Variants in CPSF1 observed in about 807,000 individuals in gnomAD.
CPSF1 encodes cleavage and polyadenylation specific factor 1, also known as cleavage and polyadenylation specificity factor subunit 1.
CPSF1 carries 106 observed loss-of-function variants against 175.8 expected under a neutral mutation model. The observed-to-expected ratio is 0.60, with a 90% CI of 0.52 to 0.71. The LOEUF is 0.71. CPSF1 is among the 30% of genes least tolerant of loss of function. CPSF1 has a pLI of 0.00. For missense variants in CPSF1, 1,734 were observed against 2,022.9 expected (o/e 0.86, Z 2.74); for synonymous variants, 1,024 against 858.3 (o/e 1.19, Z -3.37).
chr8:144,401,486 C>A lies in CPSF1; in HGVS notation c.250G>T (p.Val84Leu). ...TCCCGCTTGGCTCCTGCCAGCTGCA[C>A]GCTGGCCATGGACATGACGTTGCCA... Reference protein sequence around the residue: ...FFGNVMSMASVQLAGAKRDAL... With the variant: ...FFGNVMSMASLQLAGAKRDAL... Residue 84 changes from valine to leucine, a missense_variant, in exon 4 of 38, where the codon GTG becomes TTG. Physicochemically the swap from Val to Leu is conservative, Grantham distance 32. Around this residue, in one of 10 missense-constraint regions of CPSF1, gnomAD observed 126 missense variants for 117.9 expected, o/e 1.07. Transcript: ENST00000616140. 1 of 1,614,006 alleles carries A rather than the reference C, an allele frequency of 6.2e-7. No individual in the cohort carries two copies. Among genetic ancestry groups the A allele is most frequent in the Non-Finnish European group, 8.5e-7 (1 of 1,179,982 alleles).
Position 144,398,147 on chromosome 8 carries a change from C to CA in CPSF1, c.1895-16dup, listed in dbSNP as rs782638499. 3.6e-5 allele frequency: 56 copies of CA among 1,556,912 alleles called. No homozygotes were observed. Among genetic ancestry groups the CA allele is most frequent in the Non-Finnish European group, 4.7e-5 (54 of 1,150,596 alleles). ...CAGCTGATTCACTGTAGGCATGGGG[C>CA]AGTCAGCATGCGCCTCCCCACCACC... On this transcript the variant is annotated splice_polypyrimidine_tract_variant and intron_variant, in intron 19 of 37. Coordinates refer to ENST00000616140, the MANE Select transcript of CPSF1 (RefSeq NM_013291.3).
chr8:144,393,530 C>T lies in CPSF1; in HGVS notation c.4206G>A (p.Glu1402=). The T allele has an allele frequency of 6.3e-7, 1 of 1,597,746 alleles. No homozygotes were observed. The highest frequency in any genetic ancestry group is 8.5e-7 in the Non-Finnish European group (1 of 1,174,168). The change falls in exon 37 of 38, where the codon GAG becomes GAA. Residue 1402 remains glutamate (E), a synonymous_variant. Transcript: ENST00000616140. The part of the protein sequence containing the change: ...QNAVRNVLDG[E]LLNRYLYLST... ...TCAGGTACAGGTAGCGGTTGAGCAGCTCCCCATCCAGCACGTTGCGCACGG... is the reference window on the plus strand; with the variant it reads ...TCAGGTACAGGTAGCGGTTGAGCAGTTCCCCATCCAGCACGTTGCGCACGG...
chr8:144,400,135 G>GGGGGGGGGGCCCCCCCCCC, intron 9 of CPSF1, 31 bp downstream of exon 9: 1 of 896,008 alleles, frequency 1.1e-6, no homozygotes, highest in Non-Finnish European at 1.6e-6. Context: ...CCGTCCCCGG[G>GGGGGGGGGGCCCCCCCCCC]CCCCCCCCGC....
In CPSF1 at chr8:144,394,794, G is replaced by T. The variant is rs1820605340; in HGVS notation, c.3417C>A (p.Ile1139=). The change falls in exon 31 of 38, where the codon ATC becomes ATA. Residue 1139 remains isoleucine (I), a splice_region_variant and synonymous_variant. Transcript: ENST00000616140. ...CCACCTCAATCACATCCATGATCAAGATCTGGAGGGCATGGGTATGGCTGT... is the reference window on the plus strand; with the variant it reads ...CCACCTCAATCACATCCATGATCAATATCTGGAGGGCATGGGTATGGCTGT... ...QGEEVTCRGR[I]LIMDVIEVVP... is the part of the protein sequence containing the mutation. 6.2e-7 allele frequency: 1 copy of T among 1,613,444 alleles called. No homozygotes were observed.
intron 18 of CPSF1, 27 bp from the exon 19 acceptor site, chr8:144,398,470 G>GC (rs2116850175): frequency 7.1e-5 from 115 of 1,612,430 alleles, no homozygotes; most frequent in Non-Finnish European, 9.1e-5. Flanking sequence ...TGAGGGAGGC[G>GC]CCCCCCGCAG....
intron 17 of CPSF1, 56 bp downstream of exon 17, chr8:144,398,723 T>A: frequency 6.3e-7 from 1 of 1,595,044 alleles, no homozygotes; most frequent in Non-Finnish European, 8.6e-7. Context: ...CCCCGGCCTA[T>A]GAGAAGGCAG....
At position 144,397,313 on chromosome 8, in the gene CPSF1, T is replaced by G; in HGVS notation, c.2486A>C (p.Gln829Pro). ...GGCCTCCTCCCTGCGGGCCTCGCCC[T>G]GTGTAGTGGGCTGTCCAAAGGAGCT... ...VDSSFGQPTT[Q>P]GEARREEATR... The change falls in exon 23 of 38, where the codon CAG becomes CCG. Residue 829 changes from glutamine (Q) to proline (P), a missense_variant. Gln to Pro is a moderately conservative substitution (Grantham distance 76, BLOSUM62 -1). Transcript: ENST00000616140. 1 of 1,553,798 alleles carries G rather than the reference T, an allele frequency of 6.4e-7. No homozygotes were observed.
At chr8:144,401,178 G>C (rs2116882171) in intron 5 of CPSF1, 33 bp downstream of exon 5, 2 of 1,547,938 alleles carry the variant, frequency 1.3e-6, no homozygotes, top group Non-Finnish European at 8.7e-7. Context: ...GTGGCTGGGC[G>C]GGGCCTGGGC....
Position 144,398,134 on chromosome 8 carries a change from T to C in CPSF1, c.1895-2A>G. The C allele has an allele frequency of 1.3e-6, 2 of 1,484,292 alleles. No homozygotes were observed. Among genetic ancestry groups the C allele is most frequent in the African/African-American group, 1.5e-5 (1 of 67,506 alleles). 91.9% of individuals were successfully genotyped at this position (1,484,292 alleles called of 1,614,324 possible). A position where few individuals can be genotyped will look rare whatever the true frequency, so the allele number is the denominator to read the frequency against. On this transcript the variant is annotated splice_acceptor_variant, in intron 19 of 37. Coordinates refer to ENST00000616140, the MANE Select transcript of CPSF1 (RefSeq NM_013291.3). LOFTEE classifies it high-confidence loss of function. The stretch of plus-strand genomic sequence containing the variant: ...CGGGGATGAAGTGCAGCTGATTCAC[T>C]GTAGGCATGGGGCAGTCAGCATGCG...
At position 144,396,461 on chromosome 8, in the gene CPSF1, T is replaced by G. The variant is rs1236628682; in HGVS notation, c.2866A>C (p.Thr956Pro). 6.2e-7 allele frequency: 1 copy of G among 1,604,452 alleles called. No homozygotes were observed. Among genetic ancestry groups the G allele is most frequent in the Non-Finnish European group, 8.5e-7 (1 of 1,176,600 alleles). ...CGPSPHWLLVTGRGALRLHPM... is the reference protein window; with the variant it reads ...CGPSPHWLLVPGRGALRLHPM... ...TGTAGCCGCAGAGCCCCTCGGCCGGTCACCAAGAGCCAGTGAGGGGAGGGG... is the reference window on the plus strand; with the variant it reads ...TGTAGCCGCAGAGCCCCTCGGCCGGGCACCAAGAGCCAGTGAGGGGAGGGG... The change falls in exon 26 of 38, where the codon ACC (threonine) becomes CCC (proline). Residue 956 changes from threonine to proline, a missense_variant. Transcript: ENST00000616140.
chr8:144,409,169 C>G lies in CPSF1; in HGVS notation c.-11G>C, dbSNP rs2116913572. The G allele has an allele frequency of 1.1e-5, 18 of 1,603,074 alleles. 1 individual carries two copies. In the Middle Eastern group the frequency reaches 5.0e-4, roughly 44 times the overall value. Reference sequence around the variant, plus strand: ...GTACACGGCGTACATGGCGCCAACCCGGGCTGCGCAAGGCCGGGAGAGGAA... The same window carrying G: ...GTACACGGCGTACATGGCGCCAACCGGGGCTGCGCAAGGCCGGGAGAGGAA... On this transcript the variant is annotated 5_prime_UTR_variant, in exon 2 of 38. Transcript: ENST00000616140.
At chr8:144,406,277 T>C (rs1821496121) in intron 2 of CPSF1, among the ~76,000 whole-genome samples, 1 of 152,194 alleles carries the variant, frequency 6.6e-6, no homozygotes, top group Non-Finnish European at 1.5e-5. Context: ...TTACTGACTC[T>C]CCTCCCCTGC....
intron 32 of CPSF1, 33 bp from the exon 33 acceptor site, chr8:144,394,333 T>C: frequency 1.9e-6 from 3 of 1,586,078 alleles, no homozygotes; most frequent in Non-Finnish European, 2.6e-6. Context: ...AGAGGTGCCT[T>C]GGGCGGGTAC....
intron 9 of CPSF1, 28 bp downstream of exon 9, chr8:144,400,138 C>CCCCCCCCCCCCCCCCCCCCCCCCCCA: frequency 8.4e-7 from 1 of 1,185,668 alleles, no homozygotes. Flanking sequence ...TCCCCGGGCC[C>CCCCCCCCCCCCCCCCCCCCCCCCCCA]CCCCCGCCCC....
At chr8:144,408,041 T>C (rs1821588267) in intron 2 of CPSF1, among the ~76,000 whole-genome samples, 1 of 152,124 alleles carries the variant, frequency 6.6e-6, no homozygotes, top group African/African-American at 2.4e-5. Context: ...GGCCAGCAAA[T>C]ACATATGTAT....
Position 144,398,968 on chromosome 8 carries a change from G to A in CPSF1, c.1538C>T (p.Ser513Leu), listed in dbSNP as rs2116856661. The change falls in exon 16 of 38, where the codon TCG becomes TTG. Residue 513 changes from serine to leucine, a missense_variant. Around this residue, in one of 10 missense-constraint regions of CPSF1, gnomAD observed 280 missense variants for 349.2 expected, o/e 0.80. Transcript: ENST00000616140. ...TACCTGCCCACACACCTGCAGCACC[G>A]ACAAAGCCCCGTTCTTCCCGTGGCC... The part of the protein sequence containing the change: ...CSGHGKNGAL[S>L]VLQKSIRPQV... 1.3e-5 allele frequency: 21 copies of A among 1,612,696 alleles called. No homozygotes were observed. Among genetic ancestry groups the A allele is most frequent in the Admixed American group, 3.3e-5 (2 of 59,982 alleles).
intron 31 of CPSF1, 31 bp downstream of exon 31, chr8:144,394,613 G>A (rs781963326): frequency 1.5e-5 from 24 of 1,601,346 alleles, no homozygotes; most frequent in African/African-American, 8.0e-5. Flanking sequence ...AGGGTGAGCC[G>A]GGGGACACAC....
Position 144,398,379 on chromosome 8 carries a change from G to A in CPSF1, c.1817C>T (p.Thr606Met), listed in dbSNP as rs2116849386. The A allele has an allele frequency of 1.2e-5, 19 of 1,613,738 alleles. No homozygotes were observed. The Admixed American group carries it at 1.8e-4, about 16-fold the overall frequency. The change falls in exon 19 of 38, where the codon ACG (threonine) becomes ATG (methionine). Residue 606 changes from threonine (T) to methionine (M), a missense_variant. By Grantham distance (81) the Thr-to-Met change is moderately conservative (BLOSUM62 -1). This residue lies in a region of CPSF1 where 280 missense variants were observed against 349.2 expected (regional missense o/e 0.80). Coordinates refer to ENST00000616140, the MANE Select transcript of CPSF1 (RefSeq NM_013291.3). ...GTCCCCGATGTTCCCAGCAAAGACCGTGGGGCCCTGAGTGGCGAAGCCACT... is the reference window on the plus strand; with the variant it reads ...GTCCCCGATGTTCCCAGCAAAGACCATGGGGCCCTGAGTGGCGAAGCCACT... The part of the protein sequence containing the change: ...DTSGFATQGP[T>M]VFAGNIGDNR...
At chr8:144,394,844 G>A (rs1554863029) in intron 30 of CPSF1, 38 bp downstream of exon 30, 4 of 1,611,934 alleles carry the variant, frequency 2.5e-6, no homozygotes, top group South Asian at 2.2e-5. Context: ...GATGGCAGAG[G>A]GGCTGCCAGT....
Sources: gnomAD v4.1 joint callset for allele counts (sites outside exome capture counted in the v4.1 genomes callset) on GRCh38, gnomAD v4.1.1 for gene constraint, gnomAD v4.1.1 regional missense constraint, MANE v1.5 for transcripts, NCBI Gene and HGNC (gene_info 2026-07-23, HGNC 2026-07-21) for gene names.